DMD: variants seen among roughly 807,000 people sequenced by gnomAD.
DMD encodes the protein dystrophin.
A neutral mutation model predicts 330.1 loss-of-function variants in DMD; 63 were observed. The ratio of observed to expected loss-of-function variants is 0.19; its 90% CI spans 0.16 to 0.24. The LOEUF is 0.24. Ranked by LOEUF, DMD falls within the 10% of genes least tolerant of loss-of-function variation. The pLI is 1.00. For missense variants in DMD, 3,344 were observed against 2,684.1 expected (o/e 1.25, Z -5.43); for synonymous variants, 1,223 against 959.8 (o/e 1.27, Z -5.07).
chrX:31,789,311 T>A (rs1489760868), intron 50 of DMD, among the ~76,000 whole-genome samples: 2 of 111,308 alleles, frequency 1.8e-5, no homozygotes, highest in African/African-American at 6.5e-5. Flanking sequence ...AAGGGTTTTT[T>A]AAGCTGGTAA....
At chrX:32,645,884 G>C (rs1483708225) in intron 9 of DMD, among the ~76,000 whole-genome samples, 1 of 112,259 alleles carries the variant, frequency 8.9e-6, no homozygotes, top group Non-Finnish European at 1.9e-5. Context: ...CAAGAGCAAA[G>C]TGTACGAAGC....
rs747506961 is a variant in DMD, at chrX:32,471,561, T to C, written c.2949+603A>G. Among the ~76,000 whole-genome samples, 19 of 112,245 alleles carry C rather than the reference T, an allele frequency of 1.7e-4. No homozygotes were observed. The East Asian group carries it at 5.3e-3, about 31-fold the overall frequency. ...ACATCTGTACTAAACATGTAAGACT[T>C]TTTCATTGTCACTACTTCCTAAATA... On this transcript the variant is annotated intron_variant, in intron 22 of 78. Coordinates refer to ENST00000357033, the MANE Select transcript of DMD (RefSeq NM_004006.3).
intron 30 of DMD, among the ~76,000 whole-genome samples, chrX:32,398,501 T>C (rs995759701): frequency 9.0e-6 from 1 of 110,502 alleles, no homozygotes; most frequent in Admixed American, 9.7e-5. Context: ...TTTTTGAAAA[T>C]ACAAAAAAGT....
At chrX:32,753,489 G>A (rs777433667) in intron 7 of DMD, among the ~76,000 whole-genome samples, 2 of 111,242 alleles carry the variant, frequency 1.8e-5, no homozygotes, top group South Asian at 7.6e-4. Context: ...TTTCCTATTT[G>A]ACCACCACAA....
intron 44 of DMD, among the ~76,000 whole-genome samples, chrX:32,202,545 T>G (rs2097045740): frequency 9.0e-6 from 1 of 111,170 alleles, no homozygotes; most frequent in African/African-American, 3.3e-5. Context: ...AGAGATGGGG[T>G]TTCGCCATGT....
At chrX:32,818,837 A>G (rs1412420131) in intron 5 of DMD, among the ~76,000 whole-genome samples, 1 of 109,521 alleles carries the variant, frequency 9.1e-6, no homozygotes, top group Non-Finnish European at 1.9e-5. Context: ...TGACTGATGA[A>G]GGGGCAGAGT....
At chrX:32,520,393 T>G (rs1400049779) in intron 17 of DMD, among the ~76,000 whole-genome samples, 1 of 112,247 alleles carries the variant, frequency 8.9e-6, no homozygotes, top group Non-Finnish European at 1.9e-5. Context: ...CATAATGTCT[T>G]AAAACATTTT....
At chrX:32,234,276 G>A (rs1237552109) in intron 43 of DMD, among the ~76,000 whole-genome samples, 1 of 112,267 alleles carries the variant, frequency 8.9e-6, no homozygotes, top group Non-Finnish European at 1.9e-5. Flanking sequence ...TTAACCACGT[G>A]CAAATGAACG....
chrX:33,195,085 A>G, intron 1 of DMD, among the ~76,000 whole-genome samples: 1 of 111,519 alleles, frequency 9.0e-6, no homozygotes, highest in East Asian at 2.8e-4. Context: ...ATATTTATCC[A>G]GACACTAAGT....
chrX:31,649,065 A>G (rs1394126071), intron 54 of DMD, among the ~76,000 whole-genome samples: 1 of 111,840 alleles, frequency 8.9e-6, no homozygotes, highest in East Asian at 2.8e-4. Context: ...TGGGTATTGT[A>G]GCTAACATTA....
At chrX:32,725,485 G>GT (rs2066768897) in intron 7 of DMD, among the ~76,000 whole-genome samples, 2 of 110,928 alleles carry the variant, frequency 1.8e-5, no homozygotes, top group Admixed American at 1.9e-4. Flanking sequence ...AACAGCAGGA[G>GT]TGGCTGTACT....
chrX:31,673,841 C>T (rs1248418158), intron 53 of DMD, among the ~76,000 whole-genome samples: 1 of 111,580 alleles, frequency 9.0e-6, no homozygotes, highest in African/African-American at 3.3e-5. Flanking sequence ...TAGCCCATTA[C>T]TACCTGTGTT....
chrX:33,278,990 A>G (rs150718395), intron 1 of DMD, among the ~76,000 whole-genome samples: 3,267 of 111,386 alleles, frequency 0.029, 62 homozygotes, highest in African/African-American at 0.062. Context: ...TCAACAACCT[A>G]CTGATAGTGT....
chrX:32,157,282 C>T (rs2096833964), intron 44 of DMD, among the ~76,000 whole-genome samples: 2 of 111,897 alleles, frequency 1.8e-5, no homozygotes, highest in South Asian at 7.4e-4. Context: ...TCATGCATAT[C>T]CTCAGAAAGA....
chrX:32,872,522 G>C (rs376307573), intron 2 of DMD, among the ~76,000 whole-genome samples: 172 of 112,483 alleles, frequency 1.5e-3, no homozygotes, highest in African/African-American at 5.3e-3. Flanking sequence ...GTCTCAAGAA[G>C]ATGAACAACA....
intron 63 of DMD, among the ~76,000 whole-genome samples, chrX:31,252,881 G>A (rs750615313): frequency 7.2e-5 from 8 of 111,372 alleles, no homozygotes; most frequent in Admixed American, 2.8e-4. Flanking sequence ...GCATGGTGGC[G>A]GGAGGCTGCT....
At chrX:32,715,275 G>C (rs2037088184) in intron 7 of DMD, among the ~76,000 whole-genome samples, 1 of 109,658 alleles carries the variant, frequency 9.1e-6, no homozygotes, top group African/African-American at 3.3e-5. Flanking sequence ...TCAAGAGATT[G>C]AGACCATCCT....
intron 48 of DMD, among the ~76,000 whole-genome samples, chrX:31,850,633 C>G (rs2093507010): frequency 8.9e-6 from 1 of 112,252 alleles, no homozygotes; most frequent in Non-Finnish European, 1.9e-5. Context: ...GCTCTTTCCG[C>G]TAGGGTCCTG....
Position 31,203,288 on chromosome X carries a change from G to GAAAA in DMD, c.9807+669_9807+672dup, listed in dbSNP as rs775067715. On this transcript the variant is annotated intron_variant, in intron 67 of 78. Coordinates refer to ENST00000357033, the MANE Select transcript of DMD (RefSeq NM_004006.3). ...CAGAGCGAGACTGCAACTCAAAAAA[G>GAAAA]AAAAAAAAAAAAAAAAGGAAAGAGA... 1.4e-3 allele frequency among the ~76,000 whole-genome samples: 97 copies of GAAAA among 69,645 alleles called. 1 individual carries two copies. The highest frequency in any genetic ancestry group is 3.7e-3 in the African/African-American group (65 of 17,363). The allele number at this position is 69,645 out of a possible 115,157, so 60.5% of individuals were successfully genotyped here.
Sources: allele counts gnomAD v4.1 joint callset (sites outside exome capture counted in the v4.1 genomes callset), GRCh38; gene constraint gnomAD v4.1.1; transcripts MANE v1.5; gene names NCBI Gene and HGNC (gene_info 2026-07-23, HGNC 2026-07-21).